RGS6: variants seen among roughly 807,000 people sequenced by gnomAD.
RGS6 encodes regulator of G protein signaling 6, also known as regulator of G-protein signaling 6.
RGS6 carries 30 observed loss-of-function variants against 78.5 expected under a neutral mutation model. The ratio of observed to expected loss-of-function variants is 0.38; its 90% confidence interval spans 0.29 to 0.52. The LOEUF is 0.52. RGS6 is among the 20% of genes least tolerant of loss of function. The pLI is 0.85. For missense variants in RGS6, 495 were observed against 609.7 expected, an observed-to-expected ratio of 0.81 and a Z score of 1.98; for synonymous variants, 206 against 206.0, an observed-to-expected ratio of 1.00 and a Z score of 0.00.
intron 1 of RGS6, among the ~76,000 whole-genome samples, chr14:71,960,626 A>G (rs921478014): frequency 1.2e-4 from 19 of 152,262 alleles, no homozygotes; most frequent in Admixed American, 1.2e-3. Flanking sequence ...CTGATAGACA[A>G]GTAAACAAAG....
intron 2 of RGS6, among the ~76,000 whole-genome samples, chr14:72,347,875 A>G (rs1372580131): frequency 2.6e-5 from 4 of 152,252 alleles, no homozygotes; most frequent in African/African-American, 9.6e-5. Context: ...AAATGAATTG[A>G]AAATCCTAGA....
At chr14:72,493,248 C>T (rs899230751) in intron 12 of RGS6, among the ~76,000 whole-genome samples, 1 of 152,070 alleles carries the variant, frequency 6.6e-6, no homozygotes, top group South Asian at 2.1e-4. Context: ...CTTGGAAGAA[C>T]CAAAATAATT....
chr14:72,562,514 C>T lies in RGS6; in HGVS notation c.*47C>T. The stretch of plus-strand genomic sequence containing the variant: ...GGCCTGGGCCCGCGGACCCCACAGG[C>T]AGGCGGCGGCGCTCCACATCTGCGG... On this transcript the variant is annotated 3_prime_UTR_variant, in exon 18 of 18. Transcript: ENST00000553525. 2 of 1,606,346 alleles carry T rather than the reference C, an allele frequency of 1.2e-6. No individual in the cohort carries two copies.
intron 2 of RGS6, among the ~76,000 whole-genome samples, chr14:72,170,838 A>G (rs181576930): frequency 4.1e-4 from 62 of 152,230 alleles, no homozygotes; most frequent in Admixed American, 3.3e-3. Context: ...ACTGATTTAT[A>G]TTTTTCCCTA....
intron 3 of RGS6, among the ~76,000 whole-genome samples, chr14:72,438,944 C>G (rs1424083420): frequency 6.6e-6 from 1 of 152,254 alleles, no homozygotes; most frequent in Non-Finnish European, 1.5e-5. Flanking sequence ...GCCCTCTGGA[C>G]AGATCAAGCT....
At chr14:72,160,468 T>C (rs1223893023) in intron 2 of RGS6, among the ~76,000 whole-genome samples, 1 of 152,168 alleles carries the variant, frequency 6.6e-6, no homozygotes, top group Non-Finnish European at 1.5e-5. Context: ...TCAGTCCCAT[T>C]GGTGAGTTAT....
the RGS6 span, chr14:72,595,149 AG>A: frequency 6.6e-6 from 1 of 152,322 alleles, no homozygotes; most frequent in African/African-American, 2.4e-5. Context: ...AAGATACGGA[AG>A]AGTGGTAAAC....
intron 2 of RGS6, among the ~76,000 whole-genome samples, chr14:72,108,642 C>A (rs924720177): frequency 1.3e-5 from 2 of 151,810 alleles, no homozygotes; most frequent in African/African-American, 4.8e-5. Context: ...AATTTAATTT[C>A]CCCCTTCTAC....
At chr14:71,941,028 C>T (rs995488908) in intron 1 of RGS6, among the ~76,000 whole-genome samples, 8 of 152,054 alleles carry the variant, frequency 5.3e-5, no homozygotes, top group Non-Finnish European at 8.8e-5. Flanking sequence ...ATAAGACTCT[C>T]ACTTAGTGTA....
chr14:71,996,151 A>AGT (rs2095194832), intron 2 of RGS6, among the ~76,000 whole-genome samples: 1 of 114,450 alleles, frequency 8.7e-6, no homozygotes, highest in South Asian at 3.4e-4. Flanking sequence ...GTTCGTTAGA[A>AGT]GTGTGTTTTT....
chr14:71,895,436 C>G, the RGS6 span, among the ~76,000 whole-genome samples: 2 of 152,276 alleles, frequency 1.3e-5, no homozygotes, highest in East Asian at 1.9e-4. Flanking sequence ...ATCTGCCCGC[C>G]TCAGACTCCC....
intron 3 of RGS6, among the ~76,000 whole-genome samples, chr14:72,452,677 A>G (rs1315258612): frequency 6.6e-6 from 1 of 152,206 alleles, no homozygotes; most frequent in Non-Finnish European, 1.5e-5. Context: ...CCTCAGACCC[A>G]CGGTAGGACT....
chr14:72,200,134 CT>C (rs1176237640), intron 2 of RGS6, among the ~76,000 whole-genome samples: 1 of 152,160 alleles, frequency 6.6e-6, no homozygotes, highest in Non-Finnish European at 1.5e-5. Flanking sequence ...ATGGTTGTTG[CT>C]TTGTGGAAGA....
At chr14:72,223,474 G>A (rs914160262) in intron 2 of RGS6, among the ~76,000 whole-genome samples, 2 of 152,230 alleles carry the variant, frequency 1.3e-5, no homozygotes, top group Non-Finnish European at 2.9e-5. Context: ...GAACAAATCT[G>A]TTGGTGTTCA....
At chr14:72,530,295 G>T (rs2097166651) in intron 15 of RGS6, among the ~76,000 whole-genome samples, 1 of 152,224 alleles carries the variant, frequency 6.6e-6, no homozygotes, top group African/African-American at 2.4e-5. Flanking sequence ...TGACTCAGGA[G>T]CCACCTGGCT....
At chr14:72,147,571 A>G (rs991034349) in intron 2 of RGS6, among the ~76,000 whole-genome samples, 3 of 152,190 alleles carry the variant, frequency 2.0e-5, no homozygotes, top group Non-Finnish European at 2.9e-5. Context: ...CCACTTCCCA[A>G]CACTGTTGCA....
At chr14:72,073,891 C>G (rs1235194921) in intron 2 of RGS6, among the ~76,000 whole-genome samples, 3 of 152,124 alleles carry the variant, frequency 2.0e-5, no homozygotes, top group African/African-American at 7.2e-5. Flanking sequence ...ATTGGATATT[C>G]TCTCAAAAGT....
chr14:72,470,644 G>GA (rs2096050899), intron 8 of RGS6, among the ~76,000 whole-genome samples: 2 of 141,208 alleles, frequency 1.4e-5, no homozygotes, highest in Non-Finnish European at 3.2e-5. Flanking sequence ...TTGTGAGACC[G>GA]AGGTGGGGGT....
At chr14:72,328,584 C>T (rs986219569) in intron 2 of RGS6, among the ~76,000 whole-genome samples, 1 of 152,062 alleles carries the variant, frequency 6.6e-6, no homozygotes, top group African/African-American at 2.4e-5. Flanking sequence ...AATTTCCTTT[C>T]CCTCTCTAAG....
Sources: allele counts gnomAD v4.1 joint callset (sites outside exome capture counted in the v4.1 genomes callset), GRCh38; gene constraint gnomAD v4.1.1; transcripts MANE v1.5; gene names NCBI Gene and HGNC (gene_info 2026-07-23, HGNC 2026-07-21).